The following GPR160 variants were observed in gnomAD, a reference collection of about 807,000 sequenced individuals.
GPR160 encodes probable G protein-coupled receptor 160.
A neutral mutation model predicts 2.6 loss-of-function variants in GPR160; 2 were observed. The ratio of observed to expected loss-of-function variants is 0.77; its 90% CI spans 0.32 to 2.44. The LOEUF (loss-of-function observed/expected upper bound fraction) is 2.44. Ranked by LOEUF, GPR160 falls within the 30% of genes most tolerant of loss-of-function variation. The pLI is 0.11. For synonymous variants in GPR160, 130 were observed against 132.2 expected, an observed-to-expected ratio of 0.98 and a Z score of 0.12; for missense variants, 351 against 383.6, an observed-to-expected ratio of 0.91 and a Z score of 0.71.
At chr3:170,045,991 A>G (rs1474735721) in intron 2 of GPR160, among the ~76,000 whole-genome samples, 1 of 152,204 alleles carries the variant, frequency 6.6e-6, no homozygotes, top group African/African-American at 2.4e-5. Context: ...AAGTGCTTGT[A>G]ACAGTGCCTG....
At chr3:170,062,363 G>C (rs1228455496) in intron 2 of GPR160, 6 of 309,586 alleles carry the variant, frequency 1.9e-5, no homozygotes, top group Non-Finnish European at 3.7e-5. Flanking sequence ...ACGTTGGGGA[G>C]AATGTATGTC....
chr3:170,054,085 A>G (rs1711520707), intron 2 of GPR160, among the ~76,000 whole-genome samples: 1 of 146,808 alleles, frequency 6.8e-6, no homozygotes, highest in African/African-American at 2.5e-5. Context: ...TTTATAAACT[A>G]AAAAGCAGCG....
At position 170,043,401 on chromosome 3, in the gene GPR160, C is replaced by T. The variant is rs531896946; in HGVS notation, c.-193+4358C>T. 1.6e-4 allele frequency among the ~76,000 whole-genome samples: 25 copies of T among 152,146 alleles called. No homozygotes were observed. The Middle Eastern group carries it at 0.014, about 83-fold the overall frequency. On this transcript the variant is annotated intron_variant, in intron 2 of 3. Coordinates refer to ENST00000355897, the MANE Select transcript of GPR160 (RefSeq NM_014373.3). ...TTCACCATGTTGGCCAGGCTGGTCT[C>T]GGAACTCTCGACCTCAGGTGATCCA...
intron 2 of GPR160, among the ~76,000 whole-genome samples, chr3:170,068,169 G>A (rs948909149): frequency 5.9e-5 from 9 of 151,990 alleles, no homozygotes; most frequent in East Asian, 1.9e-4. Context: ...TTTTTGAAAC[G>A]GAGTCTTGCT....
chr3:170,058,200 A>T (rs1446933301), intron 2 of GPR160, among the ~76,000 whole-genome samples: 1 of 152,218 alleles, frequency 6.6e-6, no homozygotes, highest in Non-Finnish European at 1.5e-5. Context: ...GATCAAATCC[A>T]GTACGAGCTT....
rs1559995901 is a variant in GPR160 at position 170,084,706 on chromosome 3, T to C, written c.734T>C (p.Ile245Thr). 5.6e-6 allele frequency: 9 copies of C among 1,612,684 alleles called. No individual in the cohort carries two copies. Among genetic ancestry groups the C allele is most frequent in the South Asian group, 3.3e-5 (3 of 91,048 alleles). Residue 245 changes from isoleucine (I) to threonine (T), a missense_variant, in exon 4 of 4, where the codon ATT becomes ACT. Physicochemically the swap from Ile to Thr is moderately conservative, Grantham distance 89. Coordinates refer to ENST00000355897, the MANE Select transcript of GPR160 (RefSeq NM_014373.3). The part of the protein sequence containing the change: ...RSKKIFLSKL[I>T]VCFLSTWLPF... The stretch of plus-strand genomic sequence containing the variant: ...AAAAAAATATTCTTATCCAAGCTCA[T>C]TGTCTGTTTTCTCAGTACCTGGTTA...
At chr3:170,059,403 G>C (rs1711822754) in intron 2 of GPR160, among the ~76,000 whole-genome samples, 1 of 152,114 alleles carries the variant, frequency 6.6e-6, no homozygotes, top group Admixed American at 6.5e-5. Context: ...ATATAGTCAA[G>C]GGACAAAAAG....
intron 2 of GPR160, among the ~76,000 whole-genome samples, chr3:170,045,058 T>C (rs1456546613): frequency 6.6e-6 from 1 of 152,142 alleles, no homozygotes; most frequent in Non-Finnish European, 1.5e-5. Flanking sequence ...TTTGTTTCCT[T>C]CCCCTGAGTT....
In GPR160 at chr3:170,038,083, G is replaced by A. The variant is rs1017768495; in HGVS notation, c.-454G>A. ...TCCCCTGCCCCTCCCGGGAGCGCGC[G>A]GGGCGGGGCGGGGCGGGGCGGGACC... On this transcript the variant is annotated 5_prime_UTR_variant, in exon 1 of 4. Coordinates refer to ENST00000355897, the MANE Select transcript of GPR160 (RefSeq NM_014373.3). This position sits in a 1 kb window ranked among gnomAD's most constrained non-coding sequence, Gnocchi z 5.3. The A allele has an allele frequency of 6.6e-6, 1 of 152,110 alleles. No homozygotes were observed. Among genetic ancestry groups the A allele is most frequent in the Non-Finnish European group, 1.5e-5 (1 of 67,926 alleles). The allele number at this position is 152,110 out of a possible 1,614,324, so 9.4% of individuals were successfully genotyped here.
intron 2 of GPR160, among the ~76,000 whole-genome samples, chr3:170,068,532 G>A (rs1712450389): frequency 6.6e-6 from 1 of 152,120 alleles, no homozygotes. Context: ...GTTTGCACCT[G>A]TTGGATTGGT....
intron 2 of GPR160, among the ~76,000 whole-genome samples, chr3:170,051,210 ATGCTGT>A (rs1451589752): frequency 6.6e-6 from 1 of 152,176 alleles, no homozygotes; most frequent in Non-Finnish European, 1.5e-5. Flanking sequence ...CTAATGACTA[ATGCTGT>A]TGAGTTCCTT....
intron 2 of GPR160, chr3:170,063,179 CCT>C: frequency 6.8e-6 from 1 of 147,516 alleles, no homozygotes; most frequent in Non-Finnish European, 1.5e-5. Flanking sequence ...TGTTTTTGTG[CCT>C]TTTTTTTTTT....
At chr3:170,052,606 CTT>C (rs1317913128) in intron 2 of GPR160, among the ~76,000 whole-genome samples, 1 of 152,072 alleles carries the variant, frequency 6.6e-6, no homozygotes, top group Non-Finnish European at 1.5e-5. Flanking sequence ...TGTAGGCACT[CTT>C]TATATATGTG....
Position 170,084,594 on chromosome 3 carries a change from G to A in GPR160, c.622G>A (p.Val208Ile), listed in dbSNP as rs747186938. ...ITCWEEVTTL[V>I]QAIRITSYMN... ...CTGTTGGGAAGAAGTTACTACTTTG[G>A]TACAGGCTATCAGGATAACTTCCTA... Residue 208 changes from valine (V) to isoleucine (I), a missense_variant, in exon 4 of 4, where the codon GTA becomes ATA. Coordinates refer to ENST00000355897, the MANE Select transcript of GPR160 (RefSeq NM_014373.3). The A allele has an allele frequency of 1.1e-5, 18 of 1,613,052 alleles. No homozygotes were observed. Among genetic ancestry groups the A allele is most frequent in the Non-Finnish European group, 9.3e-6 (11 of 1,179,272 alleles).
At chr3:170,072,339 T>C (rs566896522) in intron 2 of GPR160, among the ~76,000 whole-genome samples, 1 of 152,272 alleles carries the variant, frequency 6.6e-6, no homozygotes, top group East Asian at 1.9e-4. Flanking sequence ...CCTTCCAATG[T>C]GCTGGGATTC....
rs1278370046 is a variant in GPR160, at chr3:170,084,143, T to G, written c.171T>G (p.Tyr57Ter). 2 of 1,591,664 alleles carry G rather than the reference T, an allele frequency of 1.3e-6. No homozygotes were observed. The highest frequency in any genetic ancestry group is 2.7e-5 in the African/African-American group (2 of 73,732). Residue 57 changes from tyrosine to a stop codon, truncating the protein, a stop_gained, in exon 4 of 4, where the codon TAT becomes TAG. Transcript: ENST00000355897. LOFTEE classifies it low-confidence loss of function (END_TRUNC). ...ACACCTGTCAAAATTTTATGGAATA[T>G]TTTTGCATTTCACTAGCATTCGTTG... is the stretch of plus-strand genomic sequence containing the variant. ...RKNTCQNFMEYFCISLAFVDL... is the reference protein window; with the variant it reads ...RKNTCQNFME
intron 3 of GPR160, chr3:170,083,246 T>C (rs950287312): frequency 6.6e-6 from 1 of 152,224 alleles, no homozygotes; most frequent in Non-Finnish European, 1.5e-5. Context: ...CATGTATCCA[T>C]ACTGAGTCCC....
chr3:170,069,667 C>A (rs75983018), intron 2 of GPR160, among the ~76,000 whole-genome samples: 8,538 of 152,166 alleles, frequency 0.056, 813 homozygotes, highest in African/African-American at 0.2. Context: ...GATCCTGCCC[C>A]ATCTATACTT....
intron 2 of GPR160, among the ~76,000 whole-genome samples, chr3:170,068,260 T>A (rs1353499332): frequency 6.6e-6 from 1 of 152,172 alleles, no homozygotes; most frequent in East Asian, 1.9e-4. Context: ...TTCTCCTGCC[T>A]CAGCCTCCTG....
Sources: gnomAD v4.1 joint callset for allele counts (sites outside exome capture counted in the v4.1 genomes callset) on GRCh38, gnomAD v4.1.1 for gene constraint, Gnocchi (gnomAD v3.1) non-coding constraint, MANE v1.5 for transcripts, NCBI Gene and HGNC (gene_info 2026-07-23, HGNC 2026-07-21) for gene names.